Variants in SCLT1 observed in about 807,000 individuals in gnomAD.
The protein encoded by SCLT1 is sodium channel-associated protein 1.
Under a neutral mutation model 112.8 loss-of-function variants are expected in SCLT1, and 78 were observed. The observed-to-expected ratio is 0.69, with a 90% CI of 0.58 to 0.83. The LOEUF (loss-of-function observed/expected upper bound fraction) is 0.83. SCLT1 is among the 40% of genes least tolerant of loss of function. The probability of loss-of-function intolerance (pLI) is 0.00; values close to 1 mark genes in which losing one functional copy is unlikely to be tolerated. For synonymous variants in SCLT1, 257 were observed against 254.7 expected, an observed-to-expected ratio of 1.01 and a Z score of -0.09; for missense variants, 747 against 770.4, an observed-to-expected ratio of 0.97 and a Z score of 0.36.
intron 18 of SCLT1, among the ~76,000 whole-genome samples, chr4:128,929,717 G>T (rs1473138916): frequency 2.6e-5 from 4 of 152,160 alleles, no homozygotes; most frequent in Non-Finnish European, 4.4e-5. Flanking sequence ...TATGACAAAA[G>T]GGGCAGTGCA....
chr4:129,043,592 C>T (rs1050123193), intron 3 of SCLT1, 125 bp from the exon 4 acceptor site: 5 of 568,802 alleles, frequency 8.8e-6, no homozygotes, highest in African/African-American at 7.8e-5. Context: ...AAACTTTTCC[C>T]TTTTTTCCAA....
intron 18 of SCLT1, among the ~76,000 whole-genome samples, chr4:128,926,783 A>T (rs1736335909): frequency 6.6e-6 from 1 of 152,060 alleles, no homozygotes; most frequent in Non-Finnish European, 1.5e-5. Flanking sequence ...AATGAATAGT[A>T]ATTAACCTAT....
In SCLT1 at chr4:129,093,195, C is replaced by T. The variant is rs1753012272; in HGVS notation, c.-92G>A. On this transcript the variant is annotated 5_prime_UTR_variant, in exon 1 of 21. Coordinates refer to ENST00000281142, the MANE Select transcript of SCLT1 (RefSeq NM_144643.4). ...GTGCGGGAAAACAAAACTAAGCCAACGCTCGGTTGGTTGTCAAGCGCTCCA... is the reference window on the plus strand; with the variant it reads ...GTGCGGGAAAACAAAACTAAGCCAATGCTCGGTTGGTTGTCAAGCGCTCCA... 1.6e-6 allele frequency: 2 copies of T among 1,239,844 alleles called. No individual in the cohort carries two copies. Among genetic ancestry groups the T allele is most frequent in the South Asian group, 2.4e-5 (2 of 83,386 alleles). The allele number at this position is 1,239,844 out of a possible 1,614,324, so 76.8% of individuals were successfully genotyped here.
At chr4:129,011,883 T>A (rs982318871) in intron 5 of SCLT1, among the ~76,000 whole-genome samples, 3 of 152,128 alleles carry the variant, frequency 2.0e-5, no homozygotes, top group Non-Finnish European at 4.4e-5. Context: ...AGTGGTAACA[T>A]CTCCTTGTCA....
chr4:129,052,687 A>T (rs534098840), intron 2 of SCLT1, among the ~76,000 whole-genome samples: 26 of 152,040 alleles, frequency 1.7e-4, no homozygotes, highest in African/African-American at 6.3e-4. Context: ...TAGCTCCTAG[A>T]CTTATTAATT....
intron 18 of SCLT1, among the ~76,000 whole-genome samples, chr4:128,905,424 C>T (rs1734618301): frequency 1.3e-5 from 2 of 152,152 alleles, no homozygotes; most frequent in Non-Finnish European, 2.9e-5. Flanking sequence ...TCCATTTTTG[C>T]TCCCTCTCTA....
At chr4:129,023,557 G>C (rs1273646674) in intron 5 of SCLT1, among the ~76,000 whole-genome samples, 1 of 152,200 alleles carries the variant, frequency 6.6e-6, no homozygotes, top group Non-Finnish European at 1.5e-5. Flanking sequence ...AGAGGGTGGA[G>C]CCAAGATGGC....
intron 18 of SCLT1, among the ~76,000 whole-genome samples, chr4:128,913,971 C>T (rs1735283354): frequency 6.6e-6 from 1 of 152,114 alleles, no homozygotes; most frequent in South Asian, 2.1e-4. Context: ...GGTACTCACC[C>T]GCTCCTCACC....
intron 5 of SCLT1, among the ~76,000 whole-genome samples, chr4:129,009,927 C>G (rs779130875): frequency 6.6e-6 from 1 of 152,170 alleles, no homozygotes; most frequent in Non-Finnish European, 1.5e-5. Context: ...GTTTCTTTTG[C>G]TGTGCAGGAG....
At chr4:129,022,884 G>A (rs1579735239) in intron 5 of SCLT1, among the ~76,000 whole-genome samples, 1 of 152,092 alleles carries the variant, frequency 6.6e-6, no homozygotes, top group South Asian at 2.1e-4. Context: ...AAATGTTAAG[G>A]GCAGCCAGAG....
intron 4 of SCLT1, chr4:129,039,297 TATAA>T: frequency 2.3e-6 from 1 of 439,072 alleles, no homozygotes; most frequent in African/African-American, 2.0e-5. Context: ...TTAAGTAGAA[TATAA>T]ATAAAATAGA....
rs113808560 is a variant in SCLT1, at chr4:128,970,162, T to C, written c.777+216A>G. On this transcript the variant is annotated intron_variant, in intron 10 of 20. Coordinates refer to ENST00000281142, the MANE Select transcript of SCLT1 (RefSeq NM_144643.4). ...GATGTGCTTAGGTGTGATTATGACG[T>C]TCTATTGAATTAGGCTATAGAGAAT... is the stretch of plus-strand genomic sequence containing the variant. Among the ~76,000 whole-genome samples the C allele has an allele frequency of 5.8e-3, 876 of 152,292 alleles. 7 individuals are homozygous for C. Among genetic ancestry groups the C allele is most frequent in the Middle Eastern group, 0.034 (10 of 294 alleles).
chr4:129,048,935 A>G (rs1748470031), intron 2 of SCLT1, among the ~76,000 whole-genome samples: 1 of 152,046 alleles, frequency 6.6e-6, no homozygotes, highest in African/African-American at 2.4e-5. Context: ...ATGAGATACC[A>G]TCTCAAACCA....
intron 15 of SCLT1, 59 bp downstream of exon 15, chr4:128,948,437 A>C: frequency 3.8e-6 from 6 of 1,571,482 alleles, no homozygotes; most frequent in Non-Finnish European, 5.2e-6. Flanking sequence ...GGAGGCAGAC[A>C]GTAATGTTGC....
At chr4:128,882,312 T>C (rs943946032), downstream of SCLT1, among the ~76,000 whole-genome samples, 7 of 152,322 alleles carry the variant, frequency 4.6e-5, no homozygotes, top group African/African-American at 1.4e-4. Flanking sequence ...AAAAATTCTT[T>C]AAGAAATGAA....
chr4:128,964,516 A>G (rs1384819382), intron 11 of SCLT1, among the ~76,000 whole-genome samples: 1 of 152,200 alleles, frequency 6.6e-6, no homozygotes, highest in African/African-American at 2.4e-5. Context: ...TTCAGCTTGC[A>G]AGATTTTTCT....
rs137986983 is a variant in SCLT1 at position 128,963,158 on chromosome 4, G to A, written c.869+2069C>T. 1.6e-3 allele frequency among the ~76,000 whole-genome samples: 247 copies of A among 152,202 alleles called. 2 individuals carry two copies. Among genetic ancestry groups the A allele is most frequent in the East Asian group, 0.014 (70 of 5,184 alleles). On this transcript the variant is annotated intron_variant, in intron 11 of 20. Coordinates refer to ENST00000281142, the MANE Select transcript of SCLT1 (RefSeq NM_144643.4). ...TAATTTTCTTTCCCTAACAATTTAA[G>A]CATATGAGTAATGAAGGTCAGAAGG...
chr4:129,012,250 C>G (rs1340258213), intron 5 of SCLT1, among the ~76,000 whole-genome samples: 1 of 152,180 alleles, frequency 6.6e-6, no homozygotes, highest in Non-Finnish European at 1.5e-5. Context: ...TCATTAGTTT[C>G]AAAGAACTTG....
rs140728357 is a variant in SCLT1 at position 129,064,562 on chromosome 4, T to A, written c.102+17744A>T. On this transcript the variant is annotated intron_variant, in intron 2 of 20. Coordinates refer to ENST00000281142, the MANE Select transcript of SCLT1 (RefSeq NM_144643.4). ...CTTCTTTCTAGCTTTCAGCATTGTA[T>A]TTTTGTTTTACATATAATGTTCAAT... Among the ~76,000 whole-genome samples, 1,035 of 152,272 alleles carry A rather than the reference T, an allele frequency of 6.8e-3. 6 individuals are homozygous for A. Among genetic ancestry groups the A allele is most frequent in the Non-Finnish European group, 0.012 (790 of 68,006 alleles).
Sources: allele counts gnomAD v4.1 joint callset (sites outside exome capture counted in the v4.1 genomes callset), GRCh38; gene constraint gnomAD v4.1.1; transcripts MANE v1.5; gene names NCBI Gene and HGNC (gene_info 2026-07-23, HGNC 2026-07-21).